Variants in TOM1L2 observed in about 807,000 individuals in gnomAD.
TOM1L2 encodes target of myb1 like 2 membrane trafficking protein.
Under a neutral mutation model 67.9 loss-of-function variants are expected in TOM1L2, and 31 were observed. The observed-to-expected ratio is 0.46, with a 90% CI of 0.34 to 0.62. The LOEUF (loss-of-function observed/expected upper bound fraction) is 0.62, where lower values mean the gene tolerates loss of function less well. TOM1L2 is among the 20% of genes least tolerant of loss of function. TOM1L2 has a pLI of 0.01. For missense variants in TOM1L2, 606 were observed against 663.5 expected (o/e 0.91, Z 0.95); for synonymous variants, 256 against 254.0 (o/e 1.01, Z -0.07).
At chr17:17,938,387 T>C (rs1205159648) in intron 1 of TOM1L2, among the ~76,000 whole-genome samples, 2 of 152,158 alleles carry the variant, frequency 1.3e-5, no homozygotes, top group Non-Finnish European at 2.9e-5. Context: ...GTGCCTTTGA[T>C]TTCACTGCAG....
chr17:17,851,296 C>G, intron 12 of TOM1L2: 1 of 357,188 alleles, frequency 2.8e-6, no homozygotes, highest in Non-Finnish European at 5.4e-6. Context: ...AAAACACCTT[C>G]TAACTTCAGG....
intron 6 of TOM1L2, among the ~76,000 whole-genome samples, chr17:17,881,110 G>A (rs1425468661): frequency 2.6e-5 from 4 of 152,326 alleles, no homozygotes; most frequent in South Asian, 2.1e-4. Flanking sequence ...CACAGAGACA[G>A]GGACAGGAGA....
intron 1 of TOM1L2, among the ~76,000 whole-genome samples, chr17:17,910,578 A>T (rs924824070): frequency 9.9e-5 from 15 of 151,826 alleles, no homozygotes; most frequent in Admixed American, 6.6e-5. Flanking sequence ...TATTATTATT[A>T]TTTTTATGTG....
intron 4 of TOM1L2, among the ~76,000 whole-genome samples, chr17:17,888,362 C>T (rs1667792223): frequency 6.6e-6 from 1 of 152,216 alleles, no homozygotes; most frequent in African/African-American, 2.4e-5. Flanking sequence ...CAAACATAAA[C>T]CATAACCTAT....
chr17:17,918,830 C>A (rs2039737984), intron 1 of TOM1L2, among the ~76,000 whole-genome samples: 2 of 152,254 alleles, frequency 1.3e-5, no homozygotes, highest in South Asian at 4.1e-4. Flanking sequence ...CTTCTTGGCC[C>A]CCAACCCCAA....
intron 1 of TOM1L2, among the ~76,000 whole-genome samples, chr17:17,948,422 GC>G (rs1846249585): frequency 2.0e-5 from 3 of 152,208 alleles, no homozygotes; most frequent in Admixed American, 1.3e-4. Context: ...GCCAAGGCAG[GC>G]AGATCACTTG....
At chr17:17,852,573 A>G (rs899460613) in intron 12 of TOM1L2, among the ~76,000 whole-genome samples, 4 of 152,216 alleles carry the variant, frequency 2.6e-5, no homozygotes, top group Non-Finnish European at 5.9e-5. Flanking sequence ...GGAGTTAAGA[A>G]TGTTGAATTG....
At chr17:17,912,665 G>C (rs979010146) in intron 1 of TOM1L2, among the ~76,000 whole-genome samples, 1 of 151,662 alleles carries the variant, frequency 6.6e-6, no homozygotes. Flanking sequence ...TCCTAGGTGG[G>C]ATGGCGGCCG....
chr17:17,931,169 T>C (rs2040317552), intron 1 of TOM1L2, among the ~76,000 whole-genome samples: 1 of 152,124 alleles, frequency 6.6e-6, no homozygotes, highest in Non-Finnish European at 1.5e-5. Flanking sequence ...GACTCCTCTT[T>C]CCAAGAACAC....
At chr17:17,866,561 C>T in intron 9 of TOM1L2, 142 bp from the exon 10 acceptor site, 2 of 1,149,860 alleles carry the variant, frequency 1.7e-6, no homozygotes, top group South Asian at 1.7e-5. Context: ...ACTTCCCCCA[C>T]CTGCCTTCCA....
intron 7 of TOM1L2, among the ~76,000 whole-genome samples, chr17:17,878,528 G>A (rs1027165550): frequency 2.0e-5 from 3 of 152,222 alleles, no homozygotes; most frequent in Non-Finnish European, 4.4e-5. Flanking sequence ...TTTGGAGTAG[G>A]AAGGGGGCAC....
At chr17:17,941,550 A>G (rs1021777442) in intron 1 of TOM1L2, among the ~76,000 whole-genome samples, 7 of 152,184 alleles carry the variant, frequency 4.6e-5, no homozygotes, top group Admixed American at 3.3e-4. Flanking sequence ...AGGGATTCCA[A>G]GCCACGAGGA....
chr17:17,934,999 G>A (rs1289923978), intron 1 of TOM1L2, among the ~76,000 whole-genome samples: 2 of 152,192 alleles, frequency 1.3e-5, no homozygotes, highest in African/African-American at 2.4e-5. Context: ...GGAACTCAGG[G>A]CACCATGTGC....
At chr17:17,903,828 A>G (rs1320693346) in intron 2 of TOM1L2, among the ~76,000 whole-genome samples, 3 of 151,924 alleles carry the variant, frequency 2.0e-5, no homozygotes, top group Admixed American at 6.6e-5. Context: ...GGGAAATGAG[A>G]TTCAAACTGA....
At chr17:17,934,931 G>A (rs929504269) in intron 1 of TOM1L2, among the ~76,000 whole-genome samples, 2 of 152,166 alleles carry the variant, frequency 1.3e-5, no homozygotes, top group Non-Finnish European at 2.9e-5. Context: ...AGAGAAATGC[G>A]GGTTCATTAC....
At chr17:17,949,802 T>C (rs1442547696) in intron 1 of TOM1L2, among the ~76,000 whole-genome samples, 1 of 152,230 alleles carries the variant, frequency 6.6e-6, no homozygotes, top group Non-Finnish European at 1.5e-5. Flanking sequence ...CAAGTTTAGG[T>C]GGGCCAGGGC....
chr17:17,959,949 T>C (rs2041618396), intron 1 of TOM1L2, among the ~76,000 whole-genome samples: 1 of 152,252 alleles, frequency 6.6e-6, no homozygotes, highest in Non-Finnish European at 1.5e-5. Context: ...TCCATCACTG[T>C]AGTTCTAAGG....
At chr17:17,870,895 T>A (rs1416081081) in intron 7 of TOM1L2, among the ~76,000 whole-genome samples, 1 of 152,106 alleles carries the variant, frequency 6.6e-6, no homozygotes, top group East Asian at 1.9e-4. Context: ...ATCAAAGGCA[T>A]CCCCCCTGCA....
intron 1 of TOM1L2, among the ~76,000 whole-genome samples, chr17:17,956,745 C>T (rs992281585): frequency 6.6e-6 from 1 of 152,218 alleles, no homozygotes; most frequent in Non-Finnish European, 1.5e-5. Flanking sequence ...TGCTAAGCCC[C>T]TCACTGCCCG....
Sources: gnomAD v4.1 joint callset for allele counts (sites outside exome capture counted in the v4.1 genomes callset) on GRCh38, gnomAD v4.1.1 for gene constraint, MANE v1.5 for transcripts, NCBI Gene and HGNC (gene_info 2026-07-23, HGNC 2026-07-21) for gene names.